CDH4: variants seen among roughly 807,000 people sequenced by gnomAD.
CDH4 encodes the protein cadherin-4.
A neutral mutation model predicts 86.0 loss-of-function variants in CDH4; 33 were observed. That is an observed-to-expected ratio of 0.38 (90% confidence interval 0.29 to 0.51). The LOEUF (loss-of-function observed/expected upper bound fraction) is 0.51, where lower values mean the gene tolerates loss of function less well. CDH4 is among the 20% of genes least tolerant of loss of function. CDH4 has a pLI of 0.86. For missense variants in CDH4, 1,114 were observed against 1,307.4 expected (o/e 0.85, Z 2.28); for synonymous variants, 555 against 549.4 (o/e 1.01, Z -0.14).
intron 2 of CDH4, among the ~76,000 whole-genome samples, chr20:61,278,860 T>C (rs2084243693): frequency 6.6e-6 from 1 of 151,962 alleles, no homozygotes. Context: ...CTGGGAGGAG[T>C]TGATTTGAGG....
At chr20:61,908,907 A>T (rs1669189076) in intron 8 of CDH4, among the ~76,000 whole-genome samples, 1 of 152,158 alleles carries the variant, frequency 6.6e-6, no homozygotes, top group South Asian at 2.1e-4. Flanking sequence ...CCCCAGTGCA[A>T]GTTTCTGTTT....
At chr20:61,891,322 A>G (rs1345220853) in intron 7 of CDH4, among the ~76,000 whole-genome samples, 1 of 152,218 alleles carries the variant, frequency 6.6e-6, no homozygotes, top group African/African-American at 2.4e-5. Flanking sequence ...TGCCAAATAC[A>G]GGAGGCCAAG....
Position 61,670,474 on chromosome 20 carries a change from G to C in CDH4, c.170-73089G>C, listed in dbSNP as rs997777668. ...GACCAGCATCACGTGTCCCCTGATG[G>C]AGCCAAGGGTGAAGTCAGCCCATTC... On this transcript the variant is annotated intron_variant, in intron 2 of 15. Coordinates refer to ENST00000614565, the MANE Select transcript of CDH4 (RefSeq NM_001794.5). Among the ~76,000 whole-genome samples, 6 of 152,312 alleles carry C rather than the reference G, an allele frequency of 3.9e-5. No individual in the cohort carries two copies. The East Asian group carries it at 7.7e-4, about 20-fold the overall frequency.
At chr20:61,594,072 T>G (rs1244425516) in intron 2 of CDH4, among the ~76,000 whole-genome samples, 3 of 45,968 alleles carry the variant, frequency 6.5e-5, no homozygotes, top group Non-Finnish European at 1.2e-4. Flanking sequence ...GGGGAAGGGT[T>G]GGGGAAGGGT....
At chr20:61,592,818 T>G (rs1600789392) in intron 2 of CDH4, among the ~76,000 whole-genome samples, 1 of 152,178 alleles carries the variant, frequency 6.6e-6, no homozygotes, top group African/African-American at 2.4e-5. Flanking sequence ...GCAGAATCAC[T>G]TCATAGTGTG....
chr20:61,811,457 G>T lies in CDH4; in HGVS notation c.577-33211G>T, dbSNP rs1262746673. Among the ~76,000 whole-genome samples, 1 of 152,198 alleles carries T rather than the reference G, an allele frequency of 6.6e-6. No individual in the cohort carries two copies. The highest frequency in any genetic ancestry group is 1.5e-5 in the Non-Finnish European group (1 of 68,042). On this transcript the variant is annotated intron_variant, in intron 4 of 15. Coordinates refer to ENST00000614565, the MANE Select transcript of CDH4 (RefSeq NM_001794.5). This position sits in a 1 kb window ranked among gnomAD's most constrained non-coding sequence, Gnocchi z 4.4. ...AGGAAAAAACAGCAGACATCTATCT[G>T]TATGCTTTTGCCATGAGGAAAGGAA...
At chr20:61,500,988 A>G (rs1213764512) in intron 2 of CDH4, among the ~76,000 whole-genome samples, 2 of 152,196 alleles carry the variant, frequency 1.3e-5, no homozygotes, top group Non-Finnish European at 2.9e-5. Context: ...TCTCCTTGAC[A>G]TCGTGTCATT....
intron 4 of CDH4, among the ~76,000 whole-genome samples, chr20:61,802,945 T>C (rs569298655): frequency 6.6e-6 from 1 of 152,316 alleles, no homozygotes; most frequent in East Asian, 1.9e-4. Context: ...ATTCTGTTTA[T>C]CCTGGGTCTG....
At chr20:61,736,955 C>G (rs1417366302) in intron 2 of CDH4, among the ~76,000 whole-genome samples, 1 of 152,212 alleles carries the variant, frequency 6.6e-6, no homozygotes, top group Non-Finnish European at 1.5e-5. Flanking sequence ...CCGGACCACC[C>G]TCAGCCTGTG....
At chr20:61,597,555 G>A (rs904521292) in intron 2 of CDH4, among the ~76,000 whole-genome samples, 22 of 152,326 alleles carry the variant, frequency 1.4e-4, no homozygotes, top group African/African-American at 4.6e-4. Context: ...GCGAACAGAG[G>A]GGCCGGTTAC....
chr20:61,333,308 G>A (rs903531180), intron 2 of CDH4, among the ~76,000 whole-genome samples: 5 of 151,966 alleles, frequency 3.3e-5, no homozygotes, highest in African/African-American at 1.2e-4. Flanking sequence ...CCTGCATGGG[G>A]GAGCTGGCAA....
At chr20:61,790,244 C>T in intron 4 of CDH4, among the ~76,000 whole-genome samples, 1 of 151,720 alleles carries the variant, frequency 6.6e-6, no homozygotes, top group East Asian at 1.9e-4. Context: ...CCATTCATCT[C>T]TCCATTCATC....
intron 2 of CDH4, among the ~76,000 whole-genome samples, chr20:61,605,493 C>G (rs948420139): frequency 5.9e-5 from 9 of 151,776 alleles, no homozygotes; most frequent in Admixed American, 3.3e-4. Flanking sequence ...CTGTCTCTCT[C>G]CCCCCATGTC....
chr20:61,920,144 T>TGTGA (rs2054958486), intron 9 of CDH4, among the ~76,000 whole-genome samples: 1 of 114,452 alleles, frequency 8.7e-6, no homozygotes. Flanking sequence ...GAAGCGTGGT[T>TGTGA]TTGTGATTGC....
At chr20:61,612,106 T>A (rs1281682831) in intron 2 of CDH4, among the ~76,000 whole-genome samples, 2 of 152,130 alleles carry the variant, frequency 1.3e-5, no homozygotes, top group South Asian at 2.1e-4. Flanking sequence ...TTTTGAGTCA[T>A]AAAAATGTGC....
chr20:61,855,268 G>A (rs931626529), intron 6 of CDH4, among the ~76,000 whole-genome samples: 1 of 152,208 alleles, frequency 6.6e-6, no homozygotes, highest in African/African-American at 2.4e-5. Context: ...AGCGTGAACA[G>A]GGTGAATTGC....
At chr20:61,445,170 ACCTCTGGCCAGG>A (rs371420680) in intron 2 of CDH4, among the ~76,000 whole-genome samples, 74 of 151,958 alleles carry the variant, frequency 4.9e-4, no homozygotes, top group African/African-American at 1.7e-3. Context: ...GACCCTGGCC[ACCTCTGGCCAGG>A]GATTGTATTC....
intron 1 of CDH4, among the ~76,000 whole-genome samples, chr20:61,253,813 G>A (rs1167415118): frequency 6.6e-6 from 1 of 152,166 alleles, no homozygotes; most frequent in African/African-American, 2.4e-5. Context: ...TCGAAGCATG[G>A]GCGGGCGACG....
chr20:61,395,373 C>T (rs576534860), intron 2 of CDH4, among the ~76,000 whole-genome samples: 1 of 152,096 alleles, frequency 6.6e-6, no homozygotes, highest in Non-Finnish European at 1.5e-5. Flanking sequence ...AGCAGAAGAA[C>T]CTTTTTGCTC....
Sources: gnomAD v4.1 joint callset for allele counts (sites outside exome capture counted in the v4.1 genomes callset) on GRCh38, gnomAD v4.1.1 for gene constraint, Gnocchi (gnomAD v3.1) non-coding constraint, MANE v1.5 for transcripts, NCBI Gene and HGNC (gene_info 2026-07-23, HGNC 2026-07-21) for gene names.